GP2: variants seen among roughly 807,000 people sequenced by gnomAD.
GP2 encodes the protein glycoprotein 2.
Under a neutral mutation model 60.8 loss-of-function variants are expected in GP2, and 58 were observed. The ratio of observed to expected loss-of-function variants is 0.95; its 90% confidence interval spans 0.77 to 1.19. The LOEUF (loss-of-function observed/expected upper bound fraction) is 1.19. Among genes scored for constraint, GP2 ranks in the 50% most tolerant of loss-of-function variants. GP2 has a pLI of 0.00. For missense variants in GP2, 647 were observed against 667.4 expected, an observed-to-expected ratio of 0.97 and a Z score of 0.34; for synonymous variants, 280 against 253.4, an observed-to-expected ratio of 1.10 and a Z score of -1.00.
At chr16:20,312,085 G>A (rs1327621445) in intron 10 of GP2, among the ~76,000 whole-genome samples, 2 of 152,180 alleles carry the variant, frequency 1.3e-5, no homozygotes, top group Non-Finnish European at 2.9e-5. Context: ...CCATTGCCTG[G>A]CACATGGTAA....
At chr16:20,312,998 C>T (rs987251762) in intron 10 of GP2, among the ~76,000 whole-genome samples, 2 of 152,104 alleles carry the variant, frequency 1.3e-5, no homozygotes, top group African/African-American at 4.8e-5. Context: ...ATGAGCGTGA[C>T]TTTTCTTAGC....
At chr16:20,314,877 G>T (rs543863019) in intron 9 of GP2, among the ~76,000 whole-genome samples, 176 bp from the exon 10 acceptor site, 1 of 152,164 alleles carries the variant, frequency 6.6e-6, no homozygotes, top group Admixed American at 6.5e-5. Flanking sequence ...GACACTTTGC[G>T]TGCATCTTAG....
At chr16:20,321,896 C>T (rs2141605905) in intron 4 of GP2, among the ~76,000 whole-genome samples, 1 of 152,230 alleles carries the variant, frequency 6.6e-6, no homozygotes, top group Non-Finnish European at 1.5e-5. Flanking sequence ...TCCTTGGAGC[C>T]CATCCAGGTA....
chr16:20,324,024 C>G lies in GP2; in HGVS notation c.327G>C (p.Gln109His). 4 of 1,614,102 alleles carry G rather than the reference C, an allele frequency of 2.5e-6. No homozygotes were observed. The highest frequency in any genetic ancestry group is 2.5e-6 in the Non-Finnish European group (3 of 1,179,910). ...GGVRMSETCV[Q>H]VHRCQTDAPM... ...GAGCGTCTGTCTGGCATCGGTGCAC[C>G]TGGACACAGGTCTCCGACATCCTTA... is the stretch of plus-strand genomic sequence containing the variant. Residue 109 changes from glutamine (Q) to histidine (H), a missense_variant, in exon 3 of 11, where the codon CAG becomes CAC. Physicochemically the swap from Gln to His is conservative, Grantham distance 24. Transcript: ENST00000302555.
chr16:20,316,528 G>T (rs962591329), intron 8 of GP2, among the ~76,000 whole-genome samples: 1 of 152,130 alleles, frequency 6.6e-6, no homozygotes, highest in African/African-American at 2.4e-5. Flanking sequence ...AGTGGAGTAG[G>T]CAAAATAATC....
At chr16:20,321,379 T>C (rs538857313) in intron 4 of GP2, among the ~76,000 whole-genome samples, 1 of 152,344 alleles carries the variant, frequency 6.6e-6, no homozygotes, top group Non-Finnish European at 1.5e-5. Context: ...AAATGCTAGG[T>C]GCATTCAACA....
intron 1 of GP2, chr16:20,326,712 G>A (rs752404194): frequency 2.8e-6 from 1 of 357,478 alleles, no homozygotes; most frequent in Non-Finnish European, 5.1e-6. Context: ...GGAAGTAGAG[G>A]CTCTTTGGAG....
At chr16:20,323,250 G>T in intron 3 of GP2, 1 of 669,922 alleles carries the variant, frequency 1.5e-6, no homozygotes, top group East Asian at 2.7e-5. Flanking sequence ...CAGCATGGTG[G>T]TTAAGGCCAT....
chr16:20,321,023 C>A (rs569319952), intron 4 of GP2, among the ~76,000 whole-genome samples: 2 of 151,432 alleles, frequency 1.3e-5, no homozygotes, highest in Non-Finnish European at 2.9e-5. Context: ...ATATATTTAC[C>A]AACCACATTA....
At chr16:20,326,216 C>G in intron 2 of GP2, 122 bp downstream of exon 2, 1 of 743,604 alleles carries the variant, frequency 1.3e-6, no homozygotes, top group South Asian at 1.6e-5. Context: ...ACTTCTAGCT[C>G]TGAGTTTTTG....
chr16:20,319,993 T>C (rs1311609137), intron 5 of GP2, among the ~76,000 whole-genome samples: 1 of 152,158 alleles, frequency 6.6e-6, no homozygotes, highest in African/African-American at 2.4e-5. Flanking sequence ...TATTGACCCT[T>C]GGGAAGAGTC....
In GP2 at chr16:20,322,889, C is replaced by A; in HGVS notation, c.626G>T (p.Arg209Ile). 6.2e-7 allele frequency: 1 copy of A among 1,604,988 alleles called. No homozygotes were observed. The highest frequency in any genetic ancestry group is 8.5e-7 in the Non-Finnish European group (1 of 1,171,706). Residue 209 changes from arginine to isoleucine, a missense_variant, in exon 4 of 11, where the codon AGA (arginine) becomes ATA (isoleucine). Arg to Ile is a moderately conservative substitution (Grantham distance 97). Transcript: ENST00000302555. Reference protein sequence around the residue: ...ALNSTWGCFCRQDLNSSDVHS... With the variant: ...ALNSTWGCFCIQDLNSSDVHS... The stretch of plus-strand genomic sequence containing the variant: ...CTCACCAGAACTATTGAGGTCCTGT[C>A]TGCAGAAACAGCCCCAGGTGCTGTT...
intron 2 of GP2, 22 bp downstream of exon 2, chr16:20,326,316 G>A (rs113395417): frequency 6.2e-7 from 1 of 1,610,310 alleles, no homozygotes; most frequent in Non-Finnish European, 8.5e-7. Flanking sequence ...CATCTGAGAT[G>A]CCAGGTGAGC....
At chr16:20,312,514 A>G (rs1371016660) in intron 10 of GP2, among the ~76,000 whole-genome samples, 1 of 152,192 alleles carries the variant, frequency 6.6e-6, no homozygotes, top group East Asian at 1.9e-4. Context: ...CTCCTTGTCC[A>G]GAAGCGTCCA....
chr16:20,317,088 TCCCTCCCTTTC>T (rs1964200472), intron 8 of GP2, 114 bp downstream of exon 8: 1 of 485,640 alleles, frequency 2.1e-6, no homozygotes, highest in African/African-American at 2.0e-5. Context: ...TCTCTTCCTG[TCCCTCCCTTTC>T]CCCTCCCTCC....
At position 20,326,445 on chromosome 16, in the gene GP2, C is replaced by G. The variant is rs756267096; in HGVS notation, c.-14G>C. The G allele has an allele frequency of 6.2e-7, 1 of 1,613,120 alleles. No homozygotes were observed. ...AAGGTGAGGCATGCAGGTCACTTTGCTGTATGCAGACTTCCCATGCAGCTA... is the reference window on the plus strand; with the variant it reads ...AAGGTGAGGCATGCAGGTCACTTTGGTGTATGCAGACTTCCCATGCAGCTA... On this transcript the variant is annotated 5_prime_UTR_variant, in exon 2 of 11. Coordinates refer to ENST00000302555, the MANE Select transcript of GP2 (RefSeq NM_001502.4).
chr16:20,323,238 G>T (rs1964420877), intron 3 of GP2: 3 of 651,914 alleles, frequency 4.6e-6, no homozygotes, highest in East Asian at 5.5e-5. Flanking sequence ...AATGAGAAAG[G>T]ACAGCATGGT....
intron 10 of GP2, among the ~76,000 whole-genome samples, chr16:20,312,745 G>A (rs1372797895): frequency 1.3e-5 from 2 of 151,970 alleles, no homozygotes; most frequent in Non-Finnish European, 2.9e-5. Flanking sequence ...CCTCCTCCCG[G>A]GTTCAAGTGA....
In GP2 at chr16:20,320,354, G is replaced by T; in HGVS notation, c.766C>A (p.Pro256Thr). 5 of 1,613,930 alleles carry T rather than the reference G, an allele frequency of 3.1e-6. No homozygotes were observed. The highest frequency in any genetic ancestry group is 4.2e-6 in the Non-Finnish European group (5 of 1,179,864). The part of the protein sequence containing the change: ...GEEVIAYLRD[P>T]NCSSILQTEE... ...GTCTGCAAGATGCTGCTGCAGTTTG[G>T]GTCTCGCAGGTAGGCAATGACCTCC... Residue 256 changes from proline to threonine, a missense_variant, in exon 5 of 11, where the codon CCA becomes ACA. Physicochemically the swap from Pro to Thr is conservative, Grantham distance 38. Coordinates refer to ENST00000302555, the MANE Select transcript of GP2 (RefSeq NM_001502.4).
Sources: gnomAD v4.1 joint callset for allele counts (sites outside exome capture counted in the v4.1 genomes callset) on GRCh38, gnomAD v4.1.1 for gene constraint, MANE v1.5 for transcripts, NCBI Gene and HGNC (gene_info 2026-07-23, HGNC 2026-07-21) for gene names.